WWOX: variants seen among roughly 807,000 people sequenced by gnomAD.
The protein encoded by WWOX is WW domain-containing oxidoreductase.
In WWOX, 69 loss-of-function variants were observed where a neutral mutation model predicts 46.2. The ratio of observed to expected loss-of-function variants is 1.49; its 90% CI spans 1.23 to 1.82. The LOEUF is 1.82. WWOX is among the 40% of genes most tolerant of loss of function. The pLI, the probability that WWOX is intolerant of heterozygous loss-of-function variation, is 0.00. For missense variants in WWOX, 919 were observed against 542.6 expected, an observed-to-expected ratio of 1.69 and a Z score of -6.89; for synonymous variants, 359 against 202.6, an observed-to-expected ratio of 1.77 and a Z score of -6.56.
rs114543548 is a variant in WWOX at position 78,195,092 on chromosome 16, G to C, written c.516+30803G>C. ...GGGCTTCCCTGCTACACCCTCTGAG[G>C]TTCCCCAGTCCTGCCAAGCTGTTCC... is the stretch of plus-strand genomic sequence containing the variant. On this transcript the variant is annotated intron_variant, in intron 5 of 8. Coordinates refer to ENST00000566780, the MANE Select transcript of WWOX (RefSeq NM_016373.4). Among the ~76,000 whole-genome samples the C allele has an allele frequency of 5.0e-3, 756 of 152,228 alleles. 9 individuals carry two copies. The highest frequency in any genetic ancestry group is 0.018 in the African/African-American group (728 of 41,536).
Position 78,679,200 on chromosome 16 carries a change from T to G in WWOX, c.1056+246448T>G, listed in dbSNP as rs1012420104. Among the ~76,000 whole-genome samples, 4 of 129,764 alleles carry G rather than the reference T, an allele frequency of 3.1e-5. No individual in the cohort carries two copies. In the East Asian group the frequency reaches 8.3e-4, roughly 27 times the overall value. The allele number at this position is 129,764 out of a possible 152,430, so 85.1% of individuals were successfully genotyped here. A position where few individuals can be genotyped will look rare whatever the true frequency, so the allele number is the denominator to read the frequency against. Reference sequence around the variant, plus strand: ...TGAAAGGTAGAGAATAGATTACAGGTGCCCGAGATCCTAGAACCCGTTTCT... The same window carrying G: ...TGAAAGGTAGAGAATAGATTACAGGGGCCCGAGATCCTAGAACCCGTTTCT... On this transcript the variant is annotated intron_variant, in intron 8 of 8. Coordinates refer to ENST00000566780, the MANE Select transcript of WWOX (RefSeq NM_016373.4).
At chr16:78,720,128 C>T (rs756268323) in intron 8 of WWOX, among the ~76,000 whole-genome samples, 5 of 152,146 alleles carry the variant, frequency 3.3e-5, no homozygotes, top group Admixed American at 6.6e-5. Context: ...CTTGGTCTTA[C>T]TGACAATATT....
intron 8 of WWOX, among the ~76,000 whole-genome samples, chr16:78,555,550 A>G (rs1161970867): frequency 6.7e-6 from 1 of 149,574 alleles, no homozygotes; most frequent in Non-Finnish European, 1.5e-5. Context: ...TAATATATGC[A>G]GGCCAGTACC....
intron 5 of WWOX, among the ~76,000 whole-genome samples, chr16:78,304,967 C>T (rs540413591): frequency 2.0e-5 from 3 of 150,974 alleles, no homozygotes; most frequent in Non-Finnish European, 3.0e-5. Flanking sequence ...TCTTTTCTTT[C>T]CTTCCCTTTT....
intron 8 of WWOX, among the ~76,000 whole-genome samples, chr16:78,923,036 C>G (rs1040194350): frequency 6.8e-6 from 1 of 147,302 alleles, no homozygotes; most frequent in Non-Finnish European, 1.5e-5. Context: ...GGCTGGAGTG[C>G]AATGGCGCAA....
intron 3 of WWOX, among the ~76,000 whole-genome samples, chr16:78,113,019 T>A (rs984985661): frequency 6.6e-6 from 1 of 152,170 alleles, no homozygotes; most frequent in African/African-American, 2.4e-5. Flanking sequence ...TTTCTTAAAT[T>A]TTTTATGTAG....
At chr16:78,873,610 C>G (rs939005348) in intron 8 of WWOX, 4 of 151,974 alleles carry the variant, frequency 2.6e-5, no homozygotes, top group Admixed American at 2.6e-4. Flanking sequence ...AACATACTGA[C>G]ACCTCATCTC....
At chr16:78,444,452 C>G (rs1174290813) in intron 8 of WWOX, among the ~76,000 whole-genome samples, 1 of 151,884 alleles carries the variant, frequency 6.6e-6, no homozygotes, top group Admixed American at 6.5e-5. Flanking sequence ...AAAACTGAAC[C>G]TACCATCATT....
intron 8 of WWOX, among the ~76,000 whole-genome samples, chr16:78,943,521 G>A (rs188833553): frequency 1.3e-5 from 2 of 152,124 alleles, no homozygotes; most frequent in African/African-American, 4.8e-5. Context: ...TGGGGTTATC[G>A]AGCTTTATCA....
chr16:78,718,433 G>A (rs1443521848), intron 8 of WWOX, among the ~76,000 whole-genome samples: 4 of 152,162 alleles, frequency 2.6e-5, no homozygotes, highest in Non-Finnish European at 5.9e-5. Flanking sequence ...GCTCACTTGA[G>A]TTGGAGCCAA....
At chr16:78,126,370 A>C (rs887573282) in intron 4 of WWOX, among the ~76,000 whole-genome samples, 1 of 152,230 alleles carries the variant, frequency 6.6e-6, no homozygotes, top group Non-Finnish European at 1.5e-5. Flanking sequence ...TCCTTTGCCC[A>C]GCATCCTTGC....
At chr16:78,994,874 T>G (rs1309824289) in intron 8 of WWOX, among the ~76,000 whole-genome samples, 1 of 150,720 alleles carries the variant, frequency 6.6e-6, no homozygotes, top group East Asian at 1.9e-4. Flanking sequence ...TATTATAATG[T>G]GAAAAAGGTG....
At chr16:78,383,212 C>T (rs1189598684) in intron 5 of WWOX, among the ~76,000 whole-genome samples, 1 of 151,970 alleles carries the variant, frequency 6.6e-6, no homozygotes, top group African/African-American at 2.4e-5. Flanking sequence ...CAAACCACAT[C>T]AGGTGACATC....
intron 8 of WWOX, among the ~76,000 whole-genome samples, chr16:79,028,381 A>G (rs532153718): frequency 2.0e-5 from 3 of 151,906 alleles, no homozygotes; most frequent in Non-Finnish European, 4.4e-5. Flanking sequence ...CAGTCCAGAC[A>G]TTCTACCTAT....
At chr16:79,124,224 G>A (rs956636214) in intron 8 of WWOX, among the ~76,000 whole-genome samples, 3 of 152,036 alleles carry the variant, frequency 2.0e-5, no homozygotes, top group East Asian at 1.9e-4. Context: ...TAATTAGAGC[G>A]TGCCCCCTGC....
chr16:78,268,701 C>A (rs1333678499), intron 5 of WWOX, among the ~76,000 whole-genome samples: 1 of 152,188 alleles, frequency 6.6e-6, no homozygotes, highest in South Asian at 2.1e-4. Flanking sequence ...CTTCCCCAAA[C>A]TGGCCAGGTA....
intron 8 of WWOX, among the ~76,000 whole-genome samples, chr16:78,633,032 G>C (rs1028897304): frequency 1.3e-5 from 2 of 152,106 alleles, no homozygotes; most frequent in Admixed American, 1.3e-4. Flanking sequence ...GGACACTGAG[G>C]TGGGTGGATC....
chr16:78,269,461 G>T (rs542635502), intron 5 of WWOX, among the ~76,000 whole-genome samples: 1 of 152,118 alleles, frequency 6.6e-6, no homozygotes, highest in Non-Finnish European at 1.5e-5. Context: ...GACTGTGCTC[G>T]TGCTGCCCTG....
At chr16:78,463,997 T>A (rs190784000) in intron 8 of WWOX, among the ~76,000 whole-genome samples, 3 of 152,268 alleles carry the variant, frequency 2.0e-5, no homozygotes, top group Admixed American at 2.0e-4. Flanking sequence ...GTTGTTGATC[T>A]GGCGGTCAGA....
Sources: allele counts gnomAD v4.1 joint callset (sites outside exome capture counted in the v4.1 genomes callset), GRCh38; gene constraint gnomAD v4.1.1; transcripts MANE v1.5; gene names NCBI Gene and HGNC (gene_info 2026-07-23, HGNC 2026-07-21).